Variants in RUNX1T1 observed in about 807,000 individuals in gnomAD.
The protein encoded by RUNX1T1 is RUNX1 partner transcriptional co-repressor 1, also known as protein CBFA2T1.
A neutral mutation model predicts 62.8 loss-of-function variants in RUNX1T1; 4 were observed. That is an observed-to-expected ratio of 0.06 (90% confidence interval 0.03 to 0.15). The LOEUF (loss-of-function observed/expected upper bound fraction) is 0.15. Ranked by LOEUF, RUNX1T1 falls within the 10% of genes least tolerant of loss-of-function variation. The pLI is 1.00. For missense variants in RUNX1T1, 508 were observed against 754.3 expected, an observed-to-expected ratio of 0.67 and a Z score of 3.82; for synonymous variants, 291 against 286.0, an observed-to-expected ratio of 1.02 and a Z score of -0.18.
intron 1 of RUNX1T1, among the ~76,000 whole-genome samples, chr8:92,095,890 G>C (rs887332228): frequency 2.0e-5 from 3 of 152,178 alleles, no homozygotes; most frequent in African/African-American, 4.8e-5. Flanking sequence ...ATTCTGTCAA[G>C]GTCAGAGGAG....
chr8:92,001,177 T>A (rs941708595), intron 5 of RUNX1T1, among the ~76,000 whole-genome samples: 1 of 151,670 alleles, frequency 6.6e-6, no homozygotes, highest in African/African-American at 2.4e-5. Flanking sequence ...AAAATACAGA[T>A]AACATCCCAT....
At chr8:92,080,491 T>A (rs540837824) in intron 1 of RUNX1T1, among the ~76,000 whole-genome samples, 1 of 152,248 alleles carries the variant, frequency 6.6e-6, no homozygotes, top group Admixed American at 6.5e-5. Flanking sequence ...ACACTGTGAC[T>A]GGGAACTGCA....
chr8:92,051,211 T>C (rs1830180511), intron 1 of RUNX1T1, among the ~76,000 whole-genome samples: 1 of 152,132 alleles, frequency 6.6e-6, no homozygotes, highest in Non-Finnish European at 1.5e-5. Flanking sequence ...CCTCAGCATC[T>C]ATAACAGTGT....
At chr8:92,082,643 T>A (rs1835453287) in intron 1 of RUNX1T1, among the ~76,000 whole-genome samples, 1 of 152,170 alleles carries the variant, frequency 6.6e-6, no homozygotes, top group Non-Finnish European at 1.5e-5. Context: ...GAAAAAACAG[T>A]GAGACTCTTT....
intron 8 of RUNX1T1, among the ~76,000 whole-genome samples, chr8:91,976,792 C>T (rs995511440): frequency 6.6e-6 from 1 of 152,122 alleles, no homozygotes; most frequent in African/African-American, 2.4e-5. Flanking sequence ...TACCGTCTTC[C>T]ATAGCTAAAA....
chr8:91,999,920 G>A (rs748746774), intron 5 of RUNX1T1, among the ~76,000 whole-genome samples: 6 of 152,160 alleles, frequency 3.9e-5, no homozygotes, highest in Non-Finnish European at 8.8e-5. Flanking sequence ...CCCTAACAAA[G>A]CAGCAAGAAA....
rs1320545508 is a variant in RUNX1T1, at chr8:92,008,386, T to TCACA, written c.477+2615_477+2616insTGTG. Among the ~76,000 whole-genome samples the TCACA allele has an allele frequency of 7.6e-3, 371 of 49,054 alleles. 1 individual carries two copies. Among genetic ancestry groups the TCACA allele is most frequent in the East Asian group, 0.029 (49 of 1,714 alleles). 32.2% of individuals were successfully genotyped at this position (49,054 alleles called of 152,430 possible). A position where few individuals can be genotyped will look rare whatever the true frequency, so the allele number is the denominator to read the frequency against. On this transcript the variant is annotated intron_variant, in intron 4 of 10. Transcript: ENST00000396218. ...CCACATATCTCTCTCTCTCTCTCTC[T>TCACA]CTCACACACACACACACACACACAC...
intron 1 of RUNX1T1, among the ~76,000 whole-genome samples, chr8:92,082,594 C>T (rs1835442078): frequency 6.6e-6 from 1 of 152,214 alleles, no homozygotes; most frequent in Non-Finnish European, 1.5e-5. Flanking sequence ...GAAGGCTGCA[C>T]TGCCGAAACT....
intron 5 of RUNX1T1, among the ~76,000 whole-genome samples, chr8:91,994,776 T>C (rs1818361908): frequency 6.6e-6 from 1 of 152,198 alleles, no homozygotes; most frequent in Non-Finnish European, 1.5e-5. Context: ...TTTGTTTCAA[T>C]CACTGGGGTT....
chr8:92,035,504 A>T (rs1458054671), intron 1 of RUNX1T1, among the ~76,000 whole-genome samples: 2 of 152,046 alleles, frequency 1.3e-5, no homozygotes, highest in Admixed American at 6.5e-5. Context: ...ATAAAAAAAA[A>T]TTTTAAAGGC....
chr8:92,064,071 A>G (rs1832493951), upstream of RUNX1T1, among the ~76,000 whole-genome samples: 1 of 152,188 alleles, frequency 6.6e-6, no homozygotes, highest in South Asian at 2.1e-4. Flanking sequence ...AATTTCTGAA[A>G]ACAGAGGCAA....
intron 1 of RUNX1T1, 34 bp from the exon 3 acceptor site, chr8:92,017,397 T>C: frequency 1.9e-6 from 3 of 1,614,012 alleles, no homozygotes; most frequent in East Asian, 4.5e-5. Context: ...ATTATTTTAC[T>C]CCTTAAGCAC....
At chr8:92,054,017 T>G (rs1002855213) in intron 1 of RUNX1T1, among the ~76,000 whole-genome samples, 7 of 148,790 alleles carry the variant, frequency 4.7e-5, no homozygotes, top group African/African-American at 1.7e-4. Context: ...CAAAACCACC[T>G]ACAAAGAAAC....
intron 1 of RUNX1T1, among the ~76,000 whole-genome samples, chr8:92,085,134 G>A (rs1244925037): frequency 3.3e-5 from 5 of 152,204 alleles, no homozygotes; most frequent in African/African-American, 4.8e-5. Context: ...GGAGATAAAT[G>A]GTAAAGCACT....
intron 1 of RUNX1T1, among the ~76,000 whole-genome samples, chr8:92,093,219 T>A (rs1255697770): frequency 1.3e-5 from 2 of 152,192 alleles, no homozygotes; most frequent in African/African-American, 2.4e-5. Context: ...GCCTACTTGA[T>A]GGCAACAATT....
At chr8:92,032,307 C>T (rs1218061073) in intron 1 of RUNX1T1, among the ~76,000 whole-genome samples, 1 of 151,774 alleles carries the variant, frequency 6.6e-6, no homozygotes, top group African/African-American at 2.4e-5. Context: ...TCAGTAATTC[C>T]CAAGCAACTA....
intron 1 of RUNX1T1, among the ~76,000 whole-genome samples, chr8:92,022,305 A>G (rs756548621): frequency 1.3e-5 from 2 of 152,174 alleles, no homozygotes; most frequent in African/African-American, 2.4e-5. Flanking sequence ...TAGAATGTAG[A>G]TAACAATGGG....
intron 1 of RUNX1T1, among the ~76,000 whole-genome samples, chr8:92,060,553 A>ATGTGTGTGTGTGTGTGTGTG (rs1271953758): frequency 4.5e-4 from 29 of 63,896 alleles, no homozygotes; most frequent in Non-Finnish European, 6.2e-4. Context: ...ATATATATAT[A>ATGTGTGTGTGTGTGTGTGTG]TGTGTGTGTG....
intron 1 of RUNX1T1, chr8:92,017,628 T>C: frequency 7.5e-7 from 1 of 1,334,360 alleles, no homozygotes; most frequent in Non-Finnish European, 9.6e-7. Flanking sequence ...GCTACCTTGG[T>C]AGTGTTATAT....
Sources: gnomAD v4.1 joint callset for allele counts (sites outside exome capture counted in the v4.1 genomes callset) on GRCh38, gnomAD v4.1.1 for gene constraint, MANE v1.5 for transcripts, NCBI Gene and HGNC (gene_info 2026-07-23, HGNC 2026-07-21) for gene names.